Variants in EIF2AK3 observed in about 807,000 individuals in gnomAD.
EIF2AK3 encodes eukaryotic translation initiation factor 2 alpha kinase 3.
EIF2AK3 carries 50 observed loss-of-function variants against 113.5 expected under a neutral mutation model. The ratio of observed to expected loss-of-function variants is 0.44; its 90% CI spans 0.35 to 0.56. The LOEUF is 0.56. EIF2AK3 is among the 20% of genes least tolerant of loss of function. The pLI is 0.00. For missense variants in EIF2AK3, 1,185 were observed against 1,378.0 expected (o/e 0.86, Z 2.22); for synonymous variants, 448 against 495.4 (o/e 0.90, Z 1.27).
chr2:88,593,935 T>C (rs751205066), intron 3 of EIF2AK3: 17 of 992,896 alleles, frequency 1.7e-5, no homozygotes, highest in Non-Finnish European at 2.0e-5. Context: ...CAGAATTATG[T>C]AGCAGCACAT....
rs1441214040 is a variant in EIF2AK3, at chr2:88,590,936, A to G, written c.884T>C (p.Ile295Thr). ...AGCTTCCTGTTCTTCCACATCTGAA[A>G]TAATTTTAGACTCTTCTGTGTTCTC... Reference protein sequence around the residue: ...PNENTEESKIISDVEEQEAAI... With the variant: ...PNENTEESKITSDVEEQEAAI... Residue 295 changes from isoleucine (I) to threonine (T), a missense_variant, in exon 5 of 17, where the codon ATT becomes ACT. Physicochemically the swap from Ile to Thr is moderately conservative, Grantham distance 89. Coordinates refer to ENST00000303236, the MANE Select transcript of EIF2AK3 (RefSeq NM_004836.7). 1.2e-6 allele frequency: 2 copies of G among 1,613,984 alleles called. No individual in the cohort carries two copies. Among genetic ancestry groups the G allele is most frequent in the African/African-American group, 2.7e-5 (2 of 74,928 alleles).
At position 88,559,904 on chromosome 2, in the gene EIF2AK3, G is replaced by T. The variant is rs1222724490; in HGVS notation, c.3088-925C>A. Among the ~76,000 whole-genome samples the T allele has an allele frequency of 2.0e-5, 3 of 152,116 alleles. No individual in the cohort carries two copies. In the East Asian group the frequency reaches 5.8e-4, roughly 29 times the overall value. ...TCTACTTTTGGATATTAGAAATAAT[G>T]CTCATATGAACAGTTGTATACAAGC... On this transcript the variant is annotated intron_variant, in intron 15 of 16. Coordinates refer to ENST00000303236, the MANE Select transcript of EIF2AK3 (RefSeq NM_004836.7).
chr2:88,612,197 C>T (rs1372574548), intron 2 of EIF2AK3, among the ~76,000 whole-genome samples: 1 of 152,184 alleles, frequency 6.6e-6, no homozygotes, highest in Non-Finnish European at 1.5e-5. Context: ...CTTTGCCATA[C>T]CATGCAACTT....
Position 88,586,025 on chromosome 2 carries a change from C to T in EIF2AK3, c.1466G>A (p.Arg489Lys), listed in dbSNP as rs758476728. ...GYYLPYYKRE[R>K]NKRSTQITVR... is the part of the protein sequence containing the mutation. ...TGTAATCTGTGTGCTTCGTTTGTTCCTCTCCCTCTTGTAGTATGGTAGATA... is the reference window on the plus strand; with the variant it reads ...TGTAATCTGTGTGCTTCGTTTGTTCTTCTCCCTCTTGTAGTATGGTAGATA... Residue 489 changes from arginine to lysine, a missense_variant, in exon 9 of 17, where the codon AGG becomes AAG. By Grantham distance (26) the Arg-to-Lys change is conservative (BLOSUM62 2). Around this residue, in one of 3 missense-constraint regions of EIF2AK3, gnomAD observed 877 missense variants for 1,024.2 expected, o/e 0.86. Transcript: ENST00000303236. The T allele has an allele frequency of 1.2e-6, 2 of 1,613,982 alleles. No homozygotes were observed. The highest frequency in any genetic ancestry group is 1.7e-6 in the Non-Finnish European group (2 of 1,179,968).
chr2:88,598,279 T>G (rs1191645158), intron 2 of EIF2AK3, among the ~76,000 whole-genome samples: 1 of 152,212 alleles, frequency 6.6e-6, no homozygotes, highest in Admixed American at 6.5e-5. Context: ...GCAATGGTGC[T>G]AAACTGAGGT....
chr2:88,571,004 T>C lies in EIF2AK3; in HGVS notation c.2855A>G (p.Lys952Arg). 1 of 1,614,114 alleles carries C rather than the reference T, an allele frequency of 6.2e-7. No homozygotes were observed. The highest frequency in any genetic ancestry group is 8.5e-7 in the Non-Finnish European group (1 of 1,180,026). The change falls in exon 14 of 17, where the codon AAG (lysine) becomes AGG (arginine). Residue 952 changes from lysine to arginine, a missense_variant. Physicochemically the swap from Lys to Arg is conservative, Grantham distance 26 (BLOSUM62 2). This residue lies in a region of EIF2AK3 where 877 missense variants were observed against 1,024.2 expected (regional missense o/e 0.86). Coordinates refer to ENST00000303236, the MANE Select transcript of EIF2AK3 (RefSeq NM_004836.7). The part of the protein sequence containing the change: ...NIFFTMDDVV[K>R]VGDFGLVTAM... ...AGTCACTAACCCAAAGTCTCCAACCTTGACCACATCATCCATTGTAAAGAA... is the reference window on the plus strand; with the variant it reads ...AGTCACTAACCCAAAGTCTCCAACCCTGACCACATCATCCATTGTAAAGAA...
In EIF2AK3 at chr2:88,561,339, G is replaced by T. The variant is rs545099912; in HGVS notation, c.3087+950C>A. ...TGCAGTGGCGCGATCTCTGCTCAAT[G>T]CAAGCTCCGCCTCCCGGGTTCACAC... On this transcript the variant is annotated intron_variant, in intron 15 of 16. Coordinates refer to ENST00000303236, the MANE Select transcript of EIF2AK3 (RefSeq NM_004836.7). Among the ~76,000 whole-genome samples, 4 of 151,476 alleles carry T rather than the reference G, an allele frequency of 2.6e-5. No individual in the cohort carries two copies. In the South Asian group the frequency reaches 8.3e-4, roughly 32 times the overall value.
intron 2 of EIF2AK3, among the ~76,000 whole-genome samples, chr2:88,601,655 T>C (rs758879143): frequency 1.3e-5 from 2 of 152,152 alleles, no homozygotes; most frequent in African/African-American, 2.4e-5. Flanking sequence ...GCCCCACTTT[T>C]AATGATGTTA....
At chr2:88,607,928 A>G (rs1675330689) in intron 2 of EIF2AK3, among the ~76,000 whole-genome samples, 1 of 152,342 alleles carries the variant, frequency 6.6e-6, no homozygotes, top group East Asian at 1.9e-4. Context: ...AACTTTACAG[A>G]GAAGGAAATT....
chr2:88,593,155 T>C, intron 4 of EIF2AK3, 117 bp downstream of exon 4: 1 of 1,218,858 alleles, frequency 8.2e-7, no homozygotes. Context: ...AAAATATATA[T>C]ATATATGCTT....
intron 14 of EIF2AK3, among the ~76,000 whole-genome samples, chr2:88,567,359 T>C (rs1558645042): frequency 6.6e-6 from 1 of 152,224 alleles, no homozygotes; most frequent in East Asian, 1.9e-4. Flanking sequence ...AGTTTGTGTT[T>C]GTCGTCTGTA....
intron 2 of EIF2AK3, among the ~76,000 whole-genome samples, chr2:88,603,537 A>C (rs916101728): frequency 1.3e-5 from 2 of 152,258 alleles, no homozygotes; most frequent in African/African-American, 2.4e-5. Flanking sequence ...GGAAGTATTT[A>C]TATTTATACA....
At chr2:88,569,735 T>C (rs1025339064) in intron 14 of EIF2AK3, among the ~76,000 whole-genome samples, 1 of 152,180 alleles carries the variant, frequency 6.6e-6, no homozygotes, top group Non-Finnish European at 1.5e-5. Flanking sequence ...GAGTACAAAA[T>C]ATTCATGAAT....
chr2:88,561,071 G>C (rs978094755), intron 15 of EIF2AK3, among the ~76,000 whole-genome samples: 2 of 151,930 alleles, frequency 1.3e-5, no homozygotes, highest in African/African-American at 4.8e-5. Flanking sequence ...CACAATCATA[G>C]TGATCTTCCT....
intron 13 of EIF2AK3, 87 bp downstream of exon 13, chr2:88,574,579 A>C (rs940173989): frequency 6.7e-7 from 1 of 1,494,524 alleles, no homozygotes; most frequent in Non-Finnish European, 9.1e-7. Context: ...CCCAACTCTT[A>C]AGGATCCTTC....
At chr2:88,576,156 T>C (rs1262821551) in intron 12 of EIF2AK3, among the ~76,000 whole-genome samples, 2 of 152,230 alleles carry the variant, frequency 1.3e-5, no homozygotes, top group Non-Finnish European at 2.9e-5. Flanking sequence ...CAGAAGCAGA[T>C]ACCTTATACT....
At chr2:88,563,250 TCC>T (rs1674012553) in intron 14 of EIF2AK3, among the ~76,000 whole-genome samples, 1 of 152,276 alleles carries the variant, frequency 6.6e-6, no homozygotes, top group South Asian at 2.1e-4. Flanking sequence ...GGGTTTATGA[TCC>T]CTTCACAACT....
intron 1 of EIF2AK3, among the ~76,000 whole-genome samples, chr2:88,621,509 A>G (rs570921280): frequency 6.6e-6 from 1 of 152,318 alleles, no homozygotes; most frequent in South Asian, 2.1e-4. Context: ...ATTTCACAAA[A>G]CTATAAATGT....
intron 14 of EIF2AK3, among the ~76,000 whole-genome samples, chr2:88,562,705 A>T (rs1224495790): frequency 1.3e-5 from 2 of 152,188 alleles, no homozygotes; most frequent in African/African-American, 2.4e-5. Flanking sequence ...AATCTGCTCG[A>T]CTACCCCTGA....
Sources: allele counts gnomAD v4.1 joint callset (sites outside exome capture counted in the v4.1 genomes callset), GRCh38; gene constraint gnomAD v4.1.1; regional missense constraint gnomAD v4.1.1; transcripts MANE v1.5; gene names NCBI Gene and HGNC (gene_info 2026-07-23, HGNC 2026-07-21).